SLC35F4: variants seen among roughly 807,000 people sequenced by gnomAD.
The protein encoded by SLC35F4 is solute carrier family 35 member F4, also known as chromosome 14 open reading frame 36.
SLC35F4 carries 24 observed loss-of-function variants against 44.2 expected under a neutral mutation model. That is an observed-to-expected ratio of 0.54 (90% confidence interval 0.39 to 0.76). The LOEUF is 0.76. Among genes scored for constraint, SLC35F4 ranks in the 30% least tolerant of loss-of-function variants. The pLI, the probability that SLC35F4 is intolerant of heterozygous loss-of-function variation, is 0.00. For synonymous variants in SLC35F4, 238 were observed against 223.6 expected, an observed-to-expected ratio of 1.06 and a Z score of -0.57; for missense variants, 562 against 586.1, an observed-to-expected ratio of 0.96 and a Z score of 0.42.
intron 1 of SLC35F4, among the ~76,000 whole-genome samples, chr14:57,653,098 C>A (rs2140208060): frequency 6.6e-6 from 1 of 152,202 alleles, no homozygotes; most frequent in Middle Eastern, 3.4e-3. Context: ...GTACATATTC[C>A]CTTGGAAGTT....
chr14:57,922,749 T>C (rs1203994978), intron 1 of SLC35F4, among the ~76,000 whole-genome samples: 1 of 152,174 alleles, frequency 6.6e-6, no homozygotes, highest in Non-Finnish European at 1.5e-5. Flanking sequence ...CACTGGCTAG[T>C]TCTGTGACCT....
At chr14:57,890,699 G>A (rs2141038698) in intron 1 of SLC35F4, among the ~76,000 whole-genome samples, 1 of 152,236 alleles carries the variant, frequency 6.6e-6, no homozygotes, top group Admixed American at 6.5e-5. Flanking sequence ...TAAGCAAGCT[G>A]TGAGGAAAAT....
chr14:57,888,797 T>C (rs1488560030), intron 1 of SLC35F4, among the ~76,000 whole-genome samples: 1 of 152,236 alleles, frequency 6.6e-6, no homozygotes, highest in African/African-American at 2.4e-5. Context: ...TATGTGCCAG[T>C]TGTGGCTCTA....
chr14:57,566,783 A>G (rs879258323), intron 6 of SLC35F4, among the ~76,000 whole-genome samples: 9 of 152,198 alleles, frequency 5.9e-5, no homozygotes, highest in Admixed American at 5.9e-4. Context: ...TCTTGCCAAT[A>G]GACTGGCAAA....
rs1325094905 is a variant in SLC35F4 at position 57,909,195 on chromosome 14, GT to G, written n.282+72717del. Among the ~76,000 whole-genome samples, 3 of 152,082 alleles carry G rather than the reference GT, an allele frequency of 2.0e-5. No individual in the cohort carries two copies. The East Asian group carries it at 5.8e-4, about 29-fold the overall frequency. The stretch of plus-strand genomic sequence containing the variant: ...GACAGAGAATTCCTGCACACCATCT[GT>G]TTTTGCACATGGACAACCTCCCCCA... On this transcript the variant is annotated intron_variant and non_coding_transcript_variant, in intron 1 of 1. Coordinates refer to the SLC35F4 transcript ENST00000556568.
At chr14:57,790,187 G>A (rs1310072572) in intron 1 of SLC35F4, among the ~76,000 whole-genome samples, 1 of 152,162 alleles carries the variant, frequency 6.6e-6, no homozygotes, top group East Asian at 1.9e-4. Context: ...CACATAGGAA[G>A]AGAGGAAGTC....
In SLC35F4 at chr14:57,860,863, T is replaced by C. The variant is rs1229824047; in HGVS notation, c.103+4860A>G. Among the ~76,000 whole-genome samples, 4 of 152,174 alleles carry C rather than the reference T, an allele frequency of 2.6e-5. No homozygotes were observed. The East Asian group carries it at 7.7e-4, about 29-fold the overall frequency. ...TGTCCCTAATTATCTAGATTTCCTC[T>C]TCTCTGCTTACCAGGTTTAATTTCC... On this transcript the variant is annotated intron_variant, in intron 1 of 7. Coordinates refer to ENST00000556826, the MANE Select transcript of SLC35F4 (RefSeq NM_001306087.2).
chr14:57,901,657 T>C (rs552885131), intron 1 of SLC35F4, among the ~76,000 whole-genome samples: 1 of 152,262 alleles, frequency 6.6e-6, no homozygotes, highest in South Asian at 2.1e-4. Flanking sequence ...ATCCTGCACA[T>C]GTACCTCTGA....
intron 4 of SLC35F4, among the ~76,000 whole-genome samples, chr14:57,574,720 G>A (rs1404587447): frequency 1.3e-5 from 2 of 152,170 alleles, no homozygotes; most frequent in Admixed American, 6.5e-5. Context: ...TCTTGAAAAT[G>A]AGGAAAAATT....
intron 1 of SLC35F4, among the ~76,000 whole-genome samples, chr14:57,720,011 A>G (rs1566793202): frequency 6.6e-6 from 1 of 152,104 alleles, no homozygotes. Context: ...GAGGGTTTTT[A>G]TTATGAAGAT....
intron 1 of SLC35F4, among the ~76,000 whole-genome samples, chr14:57,873,067 C>T (rs555639729): frequency 1.3e-5 from 2 of 152,278 alleles, no homozygotes; most frequent in South Asian, 4.1e-4. Context: ...GCCACATTTT[C>T]CATTGTCCGT....
chr14:57,646,366 G>C (rs1285218399), intron 1 of SLC35F4, among the ~76,000 whole-genome samples: 3 of 151,924 alleles, frequency 2.0e-5, no homozygotes, highest in Admixed American at 2.0e-4. Flanking sequence ...GTGTATGTAT[G>C]GAGGAATTTA....
intron 3 of SLC35F4, 134 bp from the exon 4 acceptor site, chr14:57,581,567 C>A (rs77876520): frequency 2.5e-6 from 2 of 798,158 alleles, no homozygotes; most frequent in East Asian, 2.7e-5. Context: ...TATACTGAAC[C>A]CAGTTCTGAA....
chr14:57,786,669 G>T (rs1156573671), intron 1 of SLC35F4, among the ~76,000 whole-genome samples: 1 of 152,142 alleles, frequency 6.6e-6, no homozygotes, highest in Non-Finnish European at 1.5e-5. Flanking sequence ...GAGAGACAAC[G>T]ATCACTGCAG....
At chr14:57,763,287 T>G (rs1056206009) in intron 1 of SLC35F4, among the ~76,000 whole-genome samples, 1 of 152,206 alleles carries the variant, frequency 6.6e-6, no homozygotes, top group African/African-American at 2.4e-5. Context: ...ATGTTTCAAG[T>G]TTCTCTAGCT....
At chr14:57,953,730 T>G (rs370054568) in intron 1 of SLC35F4, among the ~76,000 whole-genome samples, 5 of 152,124 alleles carry the variant, frequency 3.3e-5, no homozygotes, top group East Asian at 3.9e-4. Flanking sequence ...GACCTAACTG[T>G]CCTAAATATA....
At chr14:57,612,020 C>T (rs988611302) in intron 1 of SLC35F4, among the ~76,000 whole-genome samples, 1 of 152,192 alleles carries the variant, frequency 6.6e-6, no homozygotes, top group Non-Finnish European at 1.5e-5. Context: ...TCAAGTGACA[C>T]AGTGACAATG....
chr14:57,876,106 T>C (rs1358649778), intron 1 of SLC35F4, among the ~76,000 whole-genome samples: 1 of 152,182 alleles, frequency 6.6e-6, no homozygotes, highest in South Asian at 2.1e-4. Context: ...ATTCCAAACC[T>C]TTTGACTTCA....
intron 1 of SLC35F4, among the ~76,000 whole-genome samples, chr14:57,856,592 C>T (rs1363624821): frequency 3.3e-5 from 5 of 152,026 alleles, no homozygotes; most frequent in African/African-American, 7.3e-5. Flanking sequence ...ACACTATCTA[C>T]CATCAATAAC....
Sources: gnomAD v4.1 joint callset for allele counts (sites outside exome capture counted in the v4.1 genomes callset) on GRCh38, gnomAD v4.1.1 for gene constraint, MANE v1.5 for transcripts, NCBI Gene and HGNC (gene_info 2026-07-23, HGNC 2026-07-21) for gene names.